The following GMPR variants were observed in gnomAD, a reference collection of about 807,000 sequenced individuals.
GMPR encodes GMP reductase 1.
Under a neutral mutation model 38.4 loss-of-function variants are expected in GMPR, and 31 were observed. The observed-to-expected ratio is 0.81, with a 90% CI of 0.61 to 1.09. The LOEUF is 1.09. GMPR is among the 50% of genes least tolerant of loss of function. The pLI is 0.00. For missense variants in GMPR, 468 were observed against 453.7 expected (o/e 1.03, Z -0.29); for synonymous variants, 162 against 173.3 (o/e 0.93, Z 0.51).
intron 6 of GMPR, among the ~76,000 whole-genome samples, chr6:16,281,662 G>C (rs1253776804): frequency 7.4e-6 from 1 of 134,270 alleles, no homozygotes; most frequent in Non-Finnish European, 1.6e-5. Flanking sequence ...GCGCCACCAC[G>C]CTCAGCCCAT....
chr6:16,272,456 T>C (rs1759403303), intron 4 of GMPR, among the ~76,000 whole-genome samples: 1 of 152,200 alleles, frequency 6.6e-6, no homozygotes, highest in Non-Finnish European at 1.5e-5. Context: ...CTGGGAAAAC[T>C]CATACTACAA....
chr6:16,255,088 T>C (rs1758948853), intron 4 of GMPR, among the ~76,000 whole-genome samples: 1 of 151,914 alleles, frequency 6.6e-6, no homozygotes. Flanking sequence ...CTCGGCTCAC[T>C]GCAACCTATG....
intron 8 of GMPR, among the ~76,000 whole-genome samples, chr6:16,293,406 T>A (rs1223077279): frequency 6.6e-6 from 1 of 152,146 alleles, no homozygotes. Flanking sequence ...CCATCCTGGG[T>A]ATGGCCAATG....
chr6:16,266,117 AGAGCTGTAACACTTGC>A (rs1316333845), intron 4 of GMPR, among the ~76,000 whole-genome samples: 3 of 107,166 alleles, frequency 2.8e-5, no homozygotes, highest in Non-Finnish European at 5.6e-5. Flanking sequence ...GCCATCTTTA[AGAGCTGTAACACTTGC>A]CATCTTTAAG....
chr6:16,294,206 C>T (rs1364525667), intron 8 of GMPR, among the ~76,000 whole-genome samples: 1 of 152,196 alleles, frequency 6.6e-6, no homozygotes, highest in African/African-American at 2.4e-5. Flanking sequence ...CTGGAAGCCT[C>T]TGGTGCTAAG....
At chr6:16,290,320 G>C in intron 7 of GMPR, 142 bp from the exon 8 acceptor site, 2 of 739,296 alleles carry the variant, frequency 2.7e-6, no homozygotes, top group East Asian at 2.5e-5. Context: ...GGAGGAGACA[G>C]GCGAGAGAGG....
Position 16,274,559 on chromosome 6 carries a change from G to A in GMPR, c.547+63G>A, listed in dbSNP as rs763187138. 41 of 915,568 alleles carry A rather than the reference G, an allele frequency of 4.5e-5. 1 individual carries two copies. The highest frequency in any genetic ancestry group is 1.0e-4 in the Admixed American group (6 of 58,214). The allele number at this position is 915,568 out of a possible 1,614,324, so 56.7% of individuals were successfully genotyped here. On this transcript the variant is annotated intron_variant, in intron 5 of 8. Coordinates refer to ENST00000259727, the MANE Select transcript of GMPR (RefSeq NM_006877.4). ...GGGAAGAATGGGATCTGGGGCTTGC[G>A]GGGACTGCAGATCACTGGAGGGGAT...
chr6:16,262,933 G>T (rs999909478), intron 4 of GMPR: 1 of 151,990 alleles, frequency 6.6e-6, no homozygotes, highest in African/African-American at 2.4e-5. Flanking sequence ...GGCTAGTCAC[G>T]GAACGAAACT....
intron 6 of GMPR, among the ~76,000 whole-genome samples, chr6:16,281,179 A>G (rs1003947309): frequency 5.3e-5 from 8 of 152,218 alleles, no homozygotes; most frequent in African/African-American, 1.9e-4. Context: ...GGGCCCCACC[A>G]TCGACGTGAC....
intron 3 of GMPR, among the ~76,000 whole-genome samples, chr6:16,250,799 T>C (rs914224359): frequency 2.0e-5 from 3 of 151,904 alleles, no homozygotes; most frequent in African/African-American, 7.3e-5. Flanking sequence ...CCCAGCACTT[T>C]GGGAGGCTGA....
chr6:16,269,860 T>C (rs1759347562), intron 4 of GMPR, among the ~76,000 whole-genome samples: 1 of 152,130 alleles, frequency 6.6e-6, no homozygotes, highest in Non-Finnish European at 1.5e-5. Flanking sequence ...GGCTGGGAAG[T>C]CCAGTATCAA....
At chr6:16,271,993 C>T (rs1759396932) in intron 4 of GMPR, among the ~76,000 whole-genome samples, 1 of 152,092 alleles carries the variant, frequency 6.6e-6, no homozygotes, top group Admixed American at 6.6e-5. Context: ...GGCAGATCAC[C>T]TGAGGTCAGG....
intron 4 of GMPR, among the ~76,000 whole-genome samples, chr6:16,265,199 T>G (rs1038914849): frequency 6.6e-6 from 1 of 152,246 alleles, no homozygotes; most frequent in African/African-American, 2.4e-5. Flanking sequence ...GTAGTCCTCC[T>G]ACCTCTGCCT....
intron 4 of GMPR, among the ~76,000 whole-genome samples, chr6:16,264,824 C>T (rs1024010031): frequency 5.3e-5 from 8 of 152,102 alleles, no homozygotes; most frequent in Non-Finnish European, 8.8e-5. Context: ...AGGCAGGAAC[C>T]GGCCATCTGG....
chr6:16,279,249 A>G (rs892884487), intron 6 of GMPR, among the ~76,000 whole-genome samples: 1 of 152,134 alleles, frequency 6.6e-6, no homozygotes, highest in African/African-American at 2.4e-5. Context: ...GAGAAGCCCA[A>G]CATCAGGGTG....
chr6:16,247,484 C>T (rs2113669680), intron 2 of GMPR, among the ~76,000 whole-genome samples: 1 of 152,110 alleles, frequency 6.6e-6, no homozygotes, highest in African/African-American at 2.4e-5. Flanking sequence ...AAACAATTCT[C>T]CTGCCTCAGC....
At chr6:16,267,438 G>A (rs1175856953) in intron 4 of GMPR, among the ~76,000 whole-genome samples, 1 of 151,958 alleles carries the variant, frequency 6.6e-6, no homozygotes, top group Non-Finnish European at 1.5e-5. Flanking sequence ...GCGAGACCAC[G>A]AACCGTCCGG....
intron 1 of GMPR, among the ~76,000 whole-genome samples, chr6:16,241,102 TA>T (rs1758640212): frequency 6.6e-6 from 1 of 152,066 alleles, no homozygotes; most frequent in African/African-American, 2.4e-5. Context: ...ATCAGAAGCT[TA>T]AAATATGTGC....
chr6:16,283,534 A>G (rs560561367), intron 6 of GMPR, among the ~76,000 whole-genome samples: 1 of 152,238 alleles, frequency 6.6e-6, no homozygotes, highest in Non-Finnish European at 1.5e-5. Flanking sequence ...TACGCTGACC[A>G]TTTCACAAGT....
Sources: allele counts gnomAD v4.1 joint callset (sites outside exome capture counted in the v4.1 genomes callset), GRCh38; gene constraint gnomAD v4.1.1; transcripts MANE v1.5; gene names NCBI Gene and HGNC (gene_info 2026-07-23, HGNC 2026-07-21).